DTNB: variants seen among roughly 807,000 people sequenced by gnomAD.
DTNB encodes the protein DTN-B.
DTNB carries 63 observed loss-of-function variants against 90.7 expected under a neutral mutation model. The observed-to-expected ratio is 0.69, with a 90% confidence interval of 0.57 to 0.86. The LOEUF (loss-of-function observed/expected upper bound fraction) is 0.86, where lower values mean the gene tolerates loss of function less well. Among genes scored for constraint, DTNB ranks in the 40% least tolerant of loss-of-function variants. The probability of loss-of-function intolerance (pLI) is 0.00; values close to 1 mark genes in which losing one functional copy is unlikely to be tolerated. For missense variants in DTNB, 744 were observed against 807.1 expected (o/e 0.92, Z 0.95); for synonymous variants, 277 against 286.7 (o/e 0.97, Z 0.34).
intron 8 of DTNB, among the ~76,000 whole-genome samples, chr2:25,545,685 G>T (rs2082268013): frequency 6.6e-6 from 1 of 152,126 alleles, no homozygotes; most frequent in Non-Finnish European, 1.5e-5. Context: ...GCAGTGGTAC[G>T]ATCTTGGCTC....
At chr2:25,614,183 T>G (rs1043983485) in intron 4 of DTNB, among the ~76,000 whole-genome samples, 1 of 152,196 alleles carries the variant, frequency 6.6e-6, no homozygotes, top group South Asian at 2.1e-4. Flanking sequence ...ATTTCTTCCA[T>G]GTGACAATGG....
intron 8 of DTNB, among the ~76,000 whole-genome samples, chr2:25,555,018 G>A (rs1265543174): frequency 6.6e-6 from 1 of 151,962 alleles, no homozygotes; most frequent in Non-Finnish European, 1.5e-5. Context: ...AGATCTGGGC[G>A]AGGTACAGTG....
intron 6 of DTNB, among the ~76,000 whole-genome samples, chr2:25,586,990 C>T (rs992710533): frequency 3.9e-5 from 6 of 152,170 alleles, no homozygotes; most frequent in African/African-American, 9.7e-5. Context: ...CAGATGCTCT[C>T]GCACAACACT....
chr2:25,516,099 T>C (rs2075064493), intron 9 of DTNB, among the ~76,000 whole-genome samples: 1 of 152,124 alleles, frequency 6.6e-6, no homozygotes, highest in African/African-American at 2.4e-5. Context: ...ATTAGGGAAA[T>C]ACGAATTAAA....
chr2:25,385,180 T>C (rs2039126307), intron 18 of DTNB, among the ~76,000 whole-genome samples: 1 of 152,176 alleles, frequency 6.6e-6, no homozygotes, highest in Admixed American at 6.5e-5. Flanking sequence ...GCCTGTGGCC[T>C]CGATCCTTTC....
intron 6 of DTNB, among the ~76,000 whole-genome samples, chr2:25,593,945 C>T (rs2064061151): frequency 6.6e-6 from 1 of 152,062 alleles, no homozygotes. Context: ...TTAGCCTGAC[C>T]TCCAGGAAGC....
intron 8 of DTNB, among the ~76,000 whole-genome samples, chr2:25,566,127 CAG>C (rs1235151858): frequency 1.3e-5 from 2 of 152,168 alleles, no homozygotes; most frequent in Non-Finnish European, 2.9e-5. Context: ...GAAAGAAAAT[CAG>C]AGAGATGCAT....
intron 9 of DTNB, among the ~76,000 whole-genome samples, chr2:25,504,271 G>A (rs1165061990): frequency 6.6e-6 from 1 of 150,718 alleles, no homozygotes; most frequent in Non-Finnish European, 1.5e-5. Context: ...AAGGACGGAC[G>A]GATGGACAGA....
At chr2:25,513,145 A>C (rs2074287765) in intron 9 of DTNB, among the ~76,000 whole-genome samples, 1 of 152,266 alleles carries the variant, frequency 6.6e-6, no homozygotes, top group African/African-American at 2.4e-5. Context: ...AGACTTGCAA[A>C]GGTGCGGAGA....
chr2:25,439,731 C>A (rs919032622), intron 12 of DTNB, among the ~76,000 whole-genome samples: 1 of 152,020 alleles, frequency 6.6e-6, no homozygotes, highest in African/African-American at 2.4e-5. Flanking sequence ...TTTTACTATA[C>A]CTTTATTTTC....
intron 10 of DTNB, among the ~76,000 whole-genome samples, chr2:25,456,218 T>C (rs1246328693): frequency 6.6e-6 from 1 of 152,224 alleles, no homozygotes; most frequent in African/African-American, 2.4e-5. Context: ...AAAACTTGAA[T>C]GAATGTCAAC....
At chr2:25,560,054 GC>G (rs2058021407) in intron 8 of DTNB, among the ~76,000 whole-genome samples, 1 of 152,226 alleles carries the variant, frequency 6.6e-6, no homozygotes, top group African/African-American at 2.4e-5. Context: ...TTCAAGACCA[GC>G]CTGGCCAACA....
chr2:25,380,974 C>G (rs992882547), intron 19 of DTNB, among the ~76,000 whole-genome samples: 1 of 152,352 alleles, frequency 6.6e-6, no homozygotes, highest in South Asian at 2.1e-4. Flanking sequence ...CACTCAGACT[C>G]GAACCAGGAT....
intron 1 of DTNB, among the ~76,000 whole-genome samples, chr2:25,665,720 AG>A (rs2084268869): frequency 6.6e-6 from 1 of 152,052 alleles, no homozygotes. Flanking sequence ...TGCTTATTTC[AG>A]AAAAATTCTC....
intron 11 of DTNB, among the ~76,000 whole-genome samples, chr2:25,454,973 G>A (rs1034704436): frequency 4.6e-5 from 7 of 152,196 alleles, no homozygotes; most frequent in African/African-American, 1.7e-4. Context: ...GTAATAGGGT[G>A]ACAGTATCAA....
In DTNB at chr2:25,379,162, G is replaced by A. The variant is rs571536463; in HGVS notation, c.*29+128C>T. ...GGTGGGCAAAGGGAAGGGACAGTTG[G>A]GCTCTTGCATCTTCACCTGTTAGGA... is the stretch of plus-strand genomic sequence containing the variant. On this transcript the variant is annotated intron_variant, in intron 20 of 20. Coordinates refer to ENST00000406818, the MANE Select transcript of DTNB (RefSeq NM_021907.5). 1.2e-4 allele frequency: 108 copies of A among 892,738 alleles called. No individual in the cohort carries two copies. The African/African-American group carries it at 1.8e-3, about 15-fold the overall frequency. 55.3% of individuals were successfully genotyped at this position (892,738 alleles called of 1,614,324 possible).
Position 25,383,852 on chromosome 2 carries a change from C to T in DTNB, c.1863G>A (p.Gln621=), listed in dbSNP as rs778816990. The stretch of plus-strand genomic sequence containing the variant: ...TGCCTTTACCTCTGTCTTTCCCATT[C>T]TGCATCTTCTCTTCTTCTTCCTCTG... ...EGAEEEEEKM[Q]NGKDRG Residue 621 remains glutamine (Q), a synonymous_variant, in exon 19 of 21, where the codon CAG becomes CAA. Transcript: ENST00000406818. 2 of 1,614,080 alleles carry T rather than the reference C, an allele frequency of 1.2e-6. No homozygotes were observed. The highest frequency in any genetic ancestry group is 2.2e-5 in the East Asian group (1 of 44,884).
intron 8 of DTNB, among the ~76,000 whole-genome samples, chr2:25,570,406 C>CAAAAAAAAAAAAAAAAAAAAAAAA (rs146251976): frequency 1.1e-5 from 1 of 89,914 alleles, no homozygotes; most frequent in Non-Finnish European, 2.1e-5. Context: ...TTTCCTGTCT[C>CAAAAAAAAAAAAAAAAAAAAAAAA]AAAAAAAAAA....
rs574553011 is a variant in DTNB at position 25,426,219 on chromosome 2, T to C, written c.1554+1316A>G. Among the ~76,000 whole-genome samples the C allele has an allele frequency of 1.1e-4, 17 of 152,318 alleles. No individual in the cohort carries two copies. The South Asian group carries it at 3.1e-3, about 28-fold the overall frequency. On this transcript the variant is annotated intron_variant, in intron 15 of 20. Coordinates refer to ENST00000406818, the MANE Select transcript of DTNB (RefSeq NM_021907.5). Reference sequence around the variant, plus strand: ...GGATAGTCAGATAGCTGGTAAAACATAATTTCTGGGTGTGTCTGTGAGGGT... The same window carrying C: ...GGATAGTCAGATAGCTGGTAAAACACAATTTCTGGGTGTGTCTGTGAGGGT...
Sources: allele counts gnomAD v4.1 joint callset (sites outside exome capture counted in the v4.1 genomes callset), GRCh38; gene constraint gnomAD v4.1.1; transcripts MANE v1.5; gene names NCBI Gene and HGNC (gene_info 2026-07-23, HGNC 2026-07-21).